SLC44A1: variants seen among roughly 807,000 people sequenced by gnomAD.
SLC44A1 encodes choline transporter-like protein 1.
In SLC44A1, 26 loss-of-function variants were observed where a neutral mutation model predicts 79.3. That is an observed-to-expected ratio of 0.33 (90% CI 0.24 to 0.46). The LOEUF is 0.46. Among genes scored for constraint, SLC44A1 ranks in the 20% least tolerant of loss-of-function variants. The probability of loss-of-function intolerance (pLI) is 1.00; values close to 1 mark genes in which losing one functional copy is unlikely to be tolerated. For synonymous variants in SLC44A1, 263 were observed against 286.2 expected (o/e 0.92, Z 0.82); for missense variants, 688 against 798.1 (o/e 0.86, Z 1.66).
rs1828853819 is a variant in SLC44A1 at position 105,395,285 on chromosome 9, C to G, written c.*6229C>G. On this transcript the variant is annotated 3_prime_UTR_variant, in exon 16 of 16. Coordinates refer to ENST00000374720, the MANE Select transcript of SLC44A1 (RefSeq NM_080546.5). ...CCAGCTTAGAGTGCAGTGGCTCAAT[C>G]TTAGCTCACTGCAACCTCCACCTCC... 1.5e-6 allele frequency: 1 copy of G among 676,066 alleles called. No individual in the cohort carries two copies. 41.9% of individuals were successfully genotyped at this position (676,066 alleles called of 1,614,324 possible). A position where few individuals can be genotyped will look rare whatever the true frequency, so the allele number is the denominator to read the frequency against.
intron 9 of SLC44A1, among the ~76,000 whole-genome samples, chr9:105,363,487 C>T (rs1827846457): frequency 6.7e-6 from 1 of 150,010 alleles, no homozygotes. Context: ...TTTTTTGAGA[C>T]AGAGTGTCTC....
chr9:105,329,931 A>G (rs969417907), intron 3 of SLC44A1, among the ~76,000 whole-genome samples: 2 of 152,012 alleles, frequency 1.3e-5, no homozygotes, highest in African/African-American at 4.8e-5. Context: ...CACAATTTCC[A>G]CTGACATCTC....
At position 105,415,896 on chromosome 9, in the gene SLC44A1, A is replaced by ATT. The variant is rs10592448; in HGVS notation, c.1951-22363_1951-22362dup. 5.2e-3 allele frequency among the ~76,000 whole-genome samples: 610 copies of ATT among 117,866 alleles called. 7 individuals are homozygous for ATT. Among genetic ancestry groups the ATT allele is most frequent in the African/African-American group, 0.014 (436 of 30,176 alleles). The allele number at this position is 117,866 out of a possible 152,430, so 77.3% of individuals were successfully genotyped here. On this transcript the variant is annotated intron_variant, in intron 15 of 15. Transcript: ENST00000374724. ...GATATTCTCTGAAAGGATTGACTGA[A>ATT]TTTTTTTTTTTTTTTTTTTTTTTGA...
At chr9:105,335,512 C>T (rs756081818) in intron 3 of SLC44A1, 51 bp from the exon 4 acceptor site, 8 of 1,471,858 alleles carry the variant, frequency 5.4e-6, no homozygotes, top group Admixed American at 1.8e-5. Flanking sequence ...ATGCAGGGAC[C>T]CACAATGTGT....
At chr9:105,335,261 A>G (rs1182807775) in intron 3 of SLC44A1, among the ~76,000 whole-genome samples, 1 of 152,142 alleles carries the variant, frequency 6.6e-6, no homozygotes, top group African/African-American at 2.4e-5. Context: ...TTGACAAAAT[A>G]AGAAAAAATT....
chr9:105,345,962 C>T (rs1042044316), intron 4 of SLC44A1, among the ~76,000 whole-genome samples: 13 of 148,672 alleles, frequency 8.7e-5, no homozygotes, highest in African/African-American at 3.0e-4. Context: ...ATCCAAACCT[C>T]TTGTGCTAAG....
At chr9:105,370,706 T>TA (rs1458447399) in intron 12 of SLC44A1, among the ~76,000 whole-genome samples, 6 of 152,332 alleles carry the variant, frequency 3.9e-5, no homozygotes, top group African/African-American at 1.4e-4. Context: ...GGTCTGATGA[T>TA]AACAGAGGAG....
intron 1 of SLC44A1, among the ~76,000 whole-genome samples, chr9:105,268,728 A>T (rs529596837): frequency 6.7e-6 from 1 of 148,708 alleles, no homozygotes; most frequent in African/African-American, 2.6e-5. Flanking sequence ...TCGAACTCCA[A>T]CCTCAGGTGA....
rs1275360159 is a variant in SLC44A1, at chr9:105,364,563, G to A, written c.1096G>A (p.Val366Ile). The change falls in exon 10 of 16, where the codon GTT (valine) becomes ATT (isoleucine). Residue 366 changes from valine to isoleucine, a missense_variant. By Grantham distance (29) the Val-to-Ile change is conservative. Transcript: ENST00000374720. The part of the protein sequence containing the change: ...LLFLGTTGSP[V>I]QNEQGFVEFK... ...CCTTGATATTTTCCTAGGCAGTCCT[G>A]TTCAGAATGAGCAAGGCTTTGTGGA... 1.2e-6 allele frequency: 2 copies of A among 1,612,716 alleles called. No homozygotes were observed. Among genetic ancestry groups the A allele is most frequent in the Non-Finnish European group, 1.7e-6 (2 of 1,179,590 alleles).
At chr9:105,311,321 G>A (rs1342448560) in intron 3 of SLC44A1, among the ~76,000 whole-genome samples, 4 of 152,022 alleles carry the variant, frequency 2.6e-5, no homozygotes, top group Admixed American at 6.6e-5. Flanking sequence ...CTGCTGACAG[G>A]TATCAAATAT....
intron 15 of SLC44A1, among the ~76,000 whole-genome samples, chr9:105,415,860 A>T (rs1389120025): frequency 6.7e-6 from 1 of 149,964 alleles, no homozygotes; most frequent in East Asian, 2.0e-4. Flanking sequence ...TTGAAAAAAG[A>T]TCAACTTTTG....
Position 105,393,929 on chromosome 9 carries a change from A to C in SLC44A1, c.*4873A>C. On this transcript the variant is annotated 3_prime_UTR_variant, in exon 16 of 16. Transcript: ENST00000374720. The stretch of plus-strand genomic sequence containing the variant: ...GAACATGGAAACATTGTAATTTACA[A>C]ATGTCTCAGAAATTTCTCACTTTTA... 3 of 984,394 alleles carry C rather than the reference A, an allele frequency of 3.0e-6. No homozygotes were observed. Among genetic ancestry groups the C allele is most frequent in the Non-Finnish European group, 3.6e-6 (3 of 829,006 alleles). 61.0% of individuals were successfully genotyped at this position (984,394 alleles called of 1,614,324 possible).
At chr9:105,350,126 T>C (rs1229174041) in intron 5 of SLC44A1, among the ~76,000 whole-genome samples, 1 of 152,184 alleles carries the variant, frequency 6.6e-6, no homozygotes, top group Non-Finnish European at 1.5e-5. Context: ...ACCTATACCA[T>C]CTGAAAACTG....
At chr9:105,416,866 A>G (rs570757232) in intron 15 of SLC44A1, among the ~76,000 whole-genome samples, 4 of 152,300 alleles carry the variant, frequency 2.6e-5, no homozygotes, top group Admixed American at 2.6e-4. Flanking sequence ...AGAACCTCCT[A>G]TTTATCTGAC....
intron 3 of SLC44A1, among the ~76,000 whole-genome samples, chr9:105,310,667 G>C (rs954130503): frequency 2.0e-5 from 3 of 152,018 alleles, no homozygotes; most frequent in Non-Finnish European, 4.4e-5. Context: ...TAAGGTTATA[G>C]GTCTATTATA....
At chr9:105,325,960 G>A (rs2089808) in intron 3 of SLC44A1, among the ~76,000 whole-genome samples, 2 of 151,872 alleles carry the variant, frequency 1.3e-5, no homozygotes, top group African/African-American at 4.9e-5. Flanking sequence ...GAAATTTCTG[G>A]CCATTGGCCC....
At chr9:105,281,691 C>T (rs1416923178) in intron 1 of SLC44A1, among the ~76,000 whole-genome samples, 1 of 152,138 alleles carries the variant, frequency 6.6e-6, no homozygotes, top group Non-Finnish European at 1.5e-5. Context: ...ACTAGCTGGT[C>T]ATTTCGTAAC....
chr9:105,309,372 T>C (rs1056317713), intron 2 of SLC44A1, among the ~76,000 whole-genome samples: 3 of 152,172 alleles, frequency 2.0e-5, no homozygotes, highest in African/African-American at 4.8e-5. Context: ...TCATGAGGAT[T>C]AGAGATAACG....
At chr9:105,320,292 C>CTTTTTTTTTTTTTTTTTTTTTTTTT (rs34573916) in intron 3 of SLC44A1, among the ~76,000 whole-genome samples, 1 of 119,086 alleles carries the variant, frequency 8.4e-6, no homozygotes, top group Non-Finnish European at 1.8e-5. Context: ...CAATATTTAA[C>CTTTTTTTTTTTTTTTTTTTTTTTTT]TTTTTTTTTT....
Sources: allele counts gnomAD v4.1 joint callset (sites outside exome capture counted in the v4.1 genomes callset), GRCh38; gene constraint gnomAD v4.1.1; transcripts MANE v1.5; gene names NCBI Gene and HGNC (gene_info 2026-07-23, HGNC 2026-07-21).